Variants in ACCSL observed in about 807,000 individuals in gnomAD.
ACCSL encodes 1-aminocyclopropane-1-carboxylate synthase homolog (inactive) like.
In ACCSL, 55 loss-of-function variants were observed where a neutral mutation model predicts 61.7. That is an observed-to-expected ratio of 0.89 (90% CI 0.72 to 1.12). The LOEUF (loss-of-function observed/expected upper bound fraction) is 1.12, where lower values mean the gene tolerates loss of function less well. Among genes scored for constraint, ACCSL ranks in the 50% most tolerant of loss-of-function variants. The pLI, the probability that ACCSL is intolerant of heterozygous loss-of-function variation, is 0.00. For synonymous variants in ACCSL, 258 were observed against 264.3 expected (o/e 0.98, Z 0.23); for missense variants, 632 against 698.0 (o/e 0.91, Z 1.07).
At chr11:43,938,191 G>A in the ACCSL span, among the ~76,000 whole-genome samples, 2 of 152,072 alleles carry the variant, frequency 1.3e-5, no homozygotes, top group South Asian at 2.1e-4. Flanking sequence ...CCCTGGCAGC[G>A]GAGGAGGTTC....
chr11:43,988,239 C>T, the ACCSL span, among the ~76,000 whole-genome samples: 1 of 152,130 alleles, frequency 6.6e-6, no homozygotes, highest in East Asian at 1.9e-4. Flanking sequence ...AGGGGGAACC[C>T]TGGCAGGGCC....
the ACCSL span, among the ~76,000 whole-genome samples, chr11:43,946,437 C>T: frequency 2.6e-5 from 4 of 151,990 alleles, no homozygotes; most frequent in African/African-American, 4.8e-5. Flanking sequence ...TTTTTTATTG[C>T]CCTAGAAATA....
At chr11:44,031,112 C>T in the ACCSL span, among the ~76,000 whole-genome samples, 2 of 152,166 alleles carry the variant, frequency 1.3e-5, no homozygotes, top group Non-Finnish European at 2.9e-5. Flanking sequence ...TGCTTCACCT[C>T]TTTGAGACTC....
chr11:43,937,822 A>G, the ACCSL span, among the ~76,000 whole-genome samples: 4 of 152,188 alleles, frequency 2.6e-5, no homozygotes, highest in Non-Finnish European at 5.9e-5. Flanking sequence ...GATTCAGTTG[A>G]TTGTTCACTC....
At chr11:44,007,201 G>C in the ACCSL span, among the ~76,000 whole-genome samples, 20 of 152,206 alleles carry the variant, frequency 1.3e-4, no homozygotes, top group Non-Finnish European at 1.6e-4. Flanking sequence ...TGCCAGATCT[G>C]CCCAGGGAGG....
intron 8 of ACCSL, among the ~76,000 whole-genome samples, chr11:44,054,447 C>CTTTTT (rs67313576): frequency 5.8e-5 from 8 of 138,436 alleles, no homozygotes; most frequent in Non-Finnish European, 1.1e-4. Flanking sequence ...TTCTTTCTTT[C>CTTTTT]TTTTTTTTTT....
At chr11:43,970,392 C>T in the ACCSL span, among the ~76,000 whole-genome samples, 1 of 152,036 alleles carries the variant, frequency 6.6e-6, no homozygotes, top group Non-Finnish European at 1.5e-5. Flanking sequence ...TTTGTAGAGA[C>T]AAGGTTTCAC....
chr11:43,963,840 A>G, the ACCSL span, among the ~76,000 whole-genome samples: 3 of 152,358 alleles, frequency 2.0e-5, no homozygotes, highest in East Asian at 5.8e-4. Flanking sequence ...CTATACCTGC[A>G]TTTAATTTGA....
the ACCSL span, chr11:43,945,038 GA>G: frequency 6.6e-6 from 1 of 152,412 alleles, no homozygotes; most frequent in South Asian, 2.1e-4. Flanking sequence ...CAGAGGAAAC[GA>G]AACAAAGAAA....
the ACCSL span, among the ~76,000 whole-genome samples, chr11:43,986,872 T>A: frequency 1.3e-5 from 2 of 152,128 alleles, no homozygotes; most frequent in African/African-American, 4.8e-5. Flanking sequence ...GACACCCCAA[T>A]AAACTTTTGT....
upstream of ACCSL, among the ~76,000 whole-genome samples, chr11:44,043,255 A>G (rs547606892): frequency 1.3e-5 from 2 of 152,246 alleles, no homozygotes; most frequent in South Asian, 4.1e-4. Flanking sequence ...CCATTTCCCT[A>G]GAAAAGTTCC....
At chr11:43,935,544 G>A in the ACCSL span, among the ~76,000 whole-genome samples, 1 of 152,258 alleles carries the variant, frequency 6.6e-6, no homozygotes, top group Non-Finnish European at 1.5e-5. Context: ...GGTCCCTCTG[G>A]AAGGACACAG....
chr11:44,015,748 G>A, the ACCSL span, among the ~76,000 whole-genome samples: 2 of 152,158 alleles, frequency 1.3e-5, no homozygotes, highest in Non-Finnish European at 2.9e-5. Context: ...AAAGAGCCTG[G>A]GCTGCGTCAT....
chr11:43,951,594 T>C, the ACCSL span, among the ~76,000 whole-genome samples: 1 of 152,186 alleles, frequency 6.6e-6, no homozygotes, highest in Non-Finnish European at 1.5e-5. Flanking sequence ...GGAATAGCAA[T>C]GAATGATTAT....
intron 11 of ACCSL, among the ~76,000 whole-genome samples, chr11:44,057,353 G>T (rs962289362): frequency 2.0e-5 from 3 of 152,204 alleles, no homozygotes; most frequent in African/African-American, 4.8e-5. Flanking sequence ...TTTCAGCTCT[G>T]GGAGGGGAGA....
chr11:44,032,339 C>T, the ACCSL span, among the ~76,000 whole-genome samples: 1 of 152,240 alleles, frequency 6.6e-6, no homozygotes, highest in Non-Finnish European at 1.5e-5. Flanking sequence ...ACTTGTCAAG[C>T]TCTGCTTGCA....
the ACCSL span, among the ~76,000 whole-genome samples, chr11:44,004,192 G>T: frequency 6.6e-6 from 1 of 151,572 alleles, no homozygotes; most frequent in Admixed American, 6.6e-5. Context: ...GTGAGGTGAA[G>T]GGGGGGGATG....
At chr11:43,924,317 G>A in the ACCSL span, among the ~76,000 whole-genome samples, 1 of 152,230 alleles carries the variant, frequency 6.6e-6, no homozygotes, top group African/African-American at 2.4e-5. Context: ...TGGCCTGTGG[G>A]ACCTCCCGTC....
chr11:44,016,928 A>G, the ACCSL span, among the ~76,000 whole-genome samples: 2 of 152,198 alleles, frequency 1.3e-5, no homozygotes, highest in Non-Finnish European at 2.9e-5. Flanking sequence ...AGACCCCTCC[A>G]GCACTGAGAA....
Sources: allele counts gnomAD v4.1 joint callset (sites outside exome capture counted in the v4.1 genomes callset), GRCh38; gene constraint gnomAD v4.1.1; transcripts MANE v1.5; gene names NCBI Gene and HGNC (gene_info 2026-07-23, HGNC 2026-07-21).